Variants in CLPTM1L observed in about 807,000 individuals in gnomAD.
The protein encoded by CLPTM1L is CLPTM1 like, also known as lipid scramblase CLPTM1L.
CLPTM1L carries 38 observed loss-of-function variants against 70.9 expected under a neutral mutation model. That is an observed-to-expected ratio of 0.54 (90% CI 0.41 to 0.70). The LOEUF is 0.70. Among genes scored for constraint, CLPTM1L ranks in the 30% least tolerant of loss-of-function variants. CLPTM1L has a pLI of 0.00. For synonymous variants in CLPTM1L, 339 were observed against 299.9 expected (o/e 1.13, Z -1.35); for missense variants, 652 against 705.9 (o/e 0.92, Z 0.87).
chr5:1,339,459 G>A (rs1377151144), intron 3 of CLPTM1L, among the ~76,000 whole-genome samples: 6 of 107,458 alleles, frequency 5.6e-5, no homozygotes, highest in East Asian at 2.9e-4. Flanking sequence ...CAGGGTCAGC[G>A]CCCTAACCTG....
intron 5 of CLPTM1L, among the ~76,000 whole-genome samples, chr5:1,336,376 C>T (rs1411028149): frequency 1.4e-4 from 21 of 152,240 alleles, no homozygotes; most frequent in Admixed American, 1.2e-3. Flanking sequence ...ACACGTGTCT[C>T]CATAACCACT....
chr5:1,321,467 G>A (rs1752149158), intron 15 of CLPTM1L, among the ~76,000 whole-genome samples, 168 bp downstream of exon 15: 1 of 152,190 alleles, frequency 6.6e-6, no homozygotes. Flanking sequence ...TTACTCTATA[G>A]CTCTTCGCTT....
intron 8 of CLPTM1L, 22 bp from the exon 9 acceptor site, chr5:1,330,405 T>C (rs1196571121): frequency 1.5e-5 from 24 of 1,600,602 alleles, no homozygotes; most frequent in Non-Finnish European, 1.8e-5. Flanking sequence ...ATGGTCGGGC[T>C]GGGAGGGGGT....
At chr5:1,324,859 T>A (rs763780811) in intron 10 of CLPTM1L, 46 bp from the exon 11 acceptor site, 3 of 1,568,540 alleles carry the variant, frequency 1.9e-6, no homozygotes, top group African/African-American at 2.7e-5. Context: ...TCAGGGAGGA[T>A]CTGAGCACAG....
chr5:1,334,459 A>T (rs1378764127), intron 6 of CLPTM1L, 76 bp from the exon 7 acceptor site: 1 of 1,132,118 alleles, frequency 8.8e-7, no homozygotes, highest in Non-Finnish European at 1.3e-6. Context: ...ACAGTTTTCA[A>T]TATAAAAATT....
chr5:1,341,971 A>G, intron 2 of CLPTM1L, 111 bp from the exon 3 acceptor site: 1 of 866,660 alleles, frequency 1.2e-6, no homozygotes, highest in Non-Finnish European at 1.8e-6. Context: ...GCTCAGAAGT[A>G]CTAAAAATGA....
In CLPTM1L at chr5:1,338,966, C is replaced by T; in HGVS notation, c.493G>A (p.Glu165Lys). The change falls in exon 4 of 17, where the codon GAG becomes AAG. Residue 165 changes from glutamate (E) to lysine (K), a missense_variant. By Grantham distance (56) the Glu-to-Lys change is moderately conservative. Around this residue, in one of 3 missense-constraint regions of CLPTM1L, gnomAD observed 402 missense variants for 388.2 expected, o/e 1.04. Transcript: ENST00000320895. Reference protein sequence around the residue: ...AEKKPTSALDEPVSHWRPRLA... With the variant: ...AEKKPTSALDKPVSHWRPRLA... Reference sequence around the variant, plus strand: ...CGCGGTCGCCAGTGGGACACTGGCTCATCCAGGGCACTCGTCGGCTTCTTC... The same window carrying T: ...CGCGGTCGCCAGTGGGACACTGGCTTATCCAGGGCACTCGTCGGCTTCTTC... The T allele has an allele frequency of 6.2e-7, 1 of 1,613,322 alleles. No homozygotes were observed. Among genetic ancestry groups the T allele is most frequent in the African/African-American group, 1.3e-5 (1 of 75,076 alleles).
At chr5:1,340,507 A>T (rs1560871221) in intron 3 of CLPTM1L, among the ~76,000 whole-genome samples, 1 of 152,104 alleles carries the variant, frequency 6.6e-6, no homozygotes, top group East Asian at 1.9e-4. Flanking sequence ...ACCTCCTCAC[A>T]TTTGCTACCT....
intron 15 of CLPTM1L, 140 bp from the exon 16 acceptor site, chr5:1,320,871 C>T (rs1292490583): frequency 1.4e-5 from 8 of 556,936 alleles, no homozygotes; most frequent in Non-Finnish European, 2.6e-5. Flanking sequence ...ACAAAAAGAG[C>T]AGAAAGCCGG....
chr5:1,318,958 G>A lies in CLPTM1L; in HGVS notation c.1533-505C>T, dbSNP rs542572871. On this transcript the variant is annotated intron_variant, in intron 16 of 16. Coordinates refer to ENST00000320895, the MANE Select transcript of CLPTM1L (RefSeq NM_030782.5). The surrounding 1 kb of genome is among the most constrained non-coding windows in gnomAD (Gnocchi z 8.9). ...ATAAGGGGCAGCTCTACACGGCCGC[G>A]AACAGAAGTACAGGGTTTCAGCTTA... Among the ~76,000 whole-genome samples the A allele has an allele frequency of 8.5e-5, 13 of 152,342 alleles. No individual in the cohort carries two copies. The highest frequency in any genetic ancestry group is 2.6e-4 in the African/African-American group (11 of 41,586).
intron 9 of CLPTM1L, among the ~76,000 whole-genome samples, chr5:1,328,593 T>TTTCATCCAGCTCCTCCTCTACAGACACAC (rs1561236926): frequency 7.2e-4 from 109 of 150,746 alleles, no homozygotes; most frequent in Admixed American, 2.2e-3. Flanking sequence ...TACAGACAGA[T>TTTCATCCAGCTCCTCCTCTACAGACACAC]TTCATCCAGC....
chr5:1,320,815 G>T, intron 15 of CLPTM1L, 84 bp from the exon 16 acceptor site: 3 of 697,556 alleles, frequency 4.3e-6, no homozygotes, highest in Non-Finnish European at 4.8e-6. Flanking sequence ...CAAGCCAACG[G>T]CTTTTGGCAG....
chr5:1,323,933 C>T, intron 11 of CLPTM1L, 64 bp from the exon 12 acceptor site: 1 of 1,241,830 alleles, frequency 8.1e-7, no homozygotes, highest in South Asian at 1.2e-5. Flanking sequence ...AAACACACTG[C>T]ATGGAGCTCA....
chr5:1,344,882 A>G lies in CLPTM1L; in HGVS notation c.-41T>C, dbSNP rs1754180108. On this transcript the variant is annotated 5_prime_UTR_variant, in exon 1 of 17. Transcript: ENST00000320895. ...GGCGCCCCCGGCCCGCCCGCCTCTC[A>G]GCCGCGAGCCCCGCCCGCCCGGCGC... 3 of 1,136,028 alleles carry G rather than the reference A, an allele frequency of 2.6e-6. No individual in the cohort carries two copies. The highest frequency in any genetic ancestry group is 3.3e-6 in the Non-Finnish European group (3 of 920,940). The allele number at this position is 1,136,028 out of a possible 1,614,324, so 70.4% of individuals were successfully genotyped here.
At chr5:1,325,951 C>T (rs1419193221) in intron 9 of CLPTM1L, 135 bp from the exon 10 acceptor site, 1 of 717,576 alleles carries the variant, frequency 1.4e-6, no homozygotes, top group Non-Finnish European at 2.4e-6. Context: ...CTGTCCCTCC[C>T]ACAGCTCAGG....
chr5:1,335,645 CA>C (rs1753529225), intron 5 of CLPTM1L, among the ~76,000 whole-genome samples: 1 of 152,240 alleles, frequency 6.6e-6, no homozygotes, highest in Non-Finnish European at 1.5e-5. Context: ...AAGCACAGAG[CA>C]GGGGGTGGCC....
Position 1,329,626 on chromosome 5 carries a change from C to CTCTGCCTGGTGGACAGGGCCTCAGGACTA in CLPTM1L, c.1080+653_1080+654insTAGTCCTGAGGCCCTGTCCACCAGGCAGA, listed in dbSNP as rs1561238807. Among the ~76,000 whole-genome samples, 46 of 93,772 alleles carry CTCTGCCTGGTGGACAGGGCCTCAGGACTA rather than the reference C, an allele frequency of 4.9e-4. 1 individual carries two copies. Among genetic ancestry groups the CTCTGCCTGGTGGACAGGGCCTCAGGACTA allele is most frequent in the African/African-American group, 9.3e-4 (19 of 20,520 alleles). 61.5% of individuals were successfully genotyped at this position (93,772 alleles called of 152,430 possible). A position where few individuals can be genotyped will look rare whatever the true frequency, so the allele number is the denominator to read the frequency against. The stretch of plus-strand genomic sequence containing the variant: ...GCCTGGTGGACAGGGCCTCAGGACT[C>CTCTGCCTGGTGGACAGGGCCTCAGGACTA]TCTGCCTGGTGGACAGGGCCTCAGG... On this transcript the variant is annotated intron_variant, in intron 9 of 16. Coordinates refer to ENST00000320895, the MANE Select transcript of CLPTM1L (RefSeq NM_030782.5).
intron 7 of CLPTM1L, among the ~76,000 whole-genome samples, chr5:1,332,581 C>T (rs1753164618): frequency 6.6e-6 from 1 of 152,254 alleles, no homozygotes; most frequent in Admixed American, 6.5e-5. Context: ...ATGGCTCTCC[C>T]TAGCAGCTCA....
In CLPTM1L at chr5:1,324,748, T is replaced by A. The variant is rs779276465; in HGVS notation, c.1197+15A>T. 2.5e-6 allele frequency: 4 copies of A among 1,613,346 alleles called. No individual in the cohort carries two copies. Among genetic ancestry groups the A allele is most frequent in the African/African-American group, 1.3e-5 (1 of 75,032 alleles). On this transcript the variant is annotated intron_variant, in intron 11 of 16. Transcript: ENST00000320895. ...TTGCCTGGCATGCACGTGCCCTGAA[T>A]CACAAGTGACTTACCTGAGTATCGT...
Sources: allele counts gnomAD v4.1 joint callset (sites outside exome capture counted in the v4.1 genomes callset), GRCh38; gene constraint gnomAD v4.1.1; regional missense constraint gnomAD v4.1.1; non-coding constraint Gnocchi (gnomAD v3.1); transcripts MANE v1.5; gene names NCBI Gene and HGNC (gene_info 2026-07-23, HGNC 2026-07-21).